Variants in PPP1R9A observed in about 807,000 individuals in gnomAD.
The protein encoded by PPP1R9A is neurabin-1.
A neutral mutation model predicts 141.9 loss-of-function variants in PPP1R9A; 59 were observed. The observed-to-expected ratio is 0.42, with a 90% CI of 0.34 to 0.52. PPP1R9A has a LOEUF of 0.52. Among genes scored for constraint, PPP1R9A ranks in the 20% least tolerant of loss-of-function variants. The probability of loss-of-function intolerance (pLI) is 0.10; values close to 1 mark genes in which losing one functional copy is unlikely to be tolerated. For missense variants in PPP1R9A, 1,444 were observed against 1,611.9 expected, an observed-to-expected ratio of 0.90 and a Z score of 1.78; for synonymous variants, 500 against 569.7, an observed-to-expected ratio of 0.88 and a Z score of 1.74.
At chr7:95,135,854 C>CTTTATTTT (rs1825562115) in intron 4 of PPP1R9A, among the ~76,000 whole-genome samples, 1 of 73,076 alleles carries the variant, frequency 1.4e-5, no homozygotes, top group African/African-American at 5.7e-5. Flanking sequence ...TTCAGCTTTA[C>CTTTATTTT]TTTTTTTTTT....
chr7:95,059,525 T>C (rs1044602308), intron 2 of PPP1R9A, among the ~76,000 whole-genome samples: 1 of 152,218 alleles, frequency 6.6e-6, no homozygotes, highest in Non-Finnish European at 1.5e-5. Context: ...TGCATCTGAC[T>C]GTATGATCAG....
chr7:95,046,237 C>A (rs1028798233), intron 2 of PPP1R9A, among the ~76,000 whole-genome samples: 4 of 152,004 alleles, frequency 2.6e-5, no homozygotes, highest in Admixed American at 2.0e-4. Context: ...TGTGCCACCA[C>A]GCCTGGCTAA....
intron 2 of PPP1R9A, among the ~76,000 whole-genome samples, chr7:95,043,955 G>A (rs1809621048): frequency 6.6e-6 from 1 of 152,136 alleles, no homozygotes; most frequent in Admixed American, 6.6e-5. Context: ...AGGGTTTAAA[G>A]TACATTAATA....
chr7:94,968,102 G>A (rs1798415343), intron 2 of PPP1R9A, among the ~76,000 whole-genome samples: 1 of 152,006 alleles, frequency 6.6e-6, no homozygotes, highest in South Asian at 2.1e-4. Flanking sequence ...TCCTGTAGTG[G>A]GTGCATGTGT....
At chr7:94,950,956 CA>C (rs543780705) in intron 2 of PPP1R9A, among the ~76,000 whole-genome samples, 134 of 152,200 alleles carry the variant, frequency 8.8e-4, no homozygotes, top group African/African-American at 3.2e-3. Context: ...CCATGTTGCC[CA>C]GGCTGGTCTC....
At chr7:95,090,191 A>G (rs561809581) in intron 2 of PPP1R9A, among the ~76,000 whole-genome samples, 16 of 152,080 alleles carry the variant, frequency 1.1e-4, no homozygotes, top group Admixed American at 2.6e-4. Context: ...ATGACAGCTT[A>G]ACTGCAAAGC....
At chr7:94,907,465 G>GC (rs1311906357), upstream of PPP1R9A, 1 of 152,438 alleles carries the variant, frequency 6.6e-6, no homozygotes, top group Admixed American at 6.5e-5. Flanking sequence ...ACTAAGTGGG[G>GC]CCCCAGCAGC....
intron 2 of PPP1R9A, among the ~76,000 whole-genome samples, chr7:94,983,681 G>A (rs956696595): frequency 6.6e-6 from 1 of 152,122 alleles, no homozygotes; most frequent in African/African-American, 2.4e-5. Flanking sequence ...CATTGATTTT[G>A]TATCCTGCGA....
At chr7:94,986,713 A>C (rs991725641) in intron 2 of PPP1R9A, among the ~76,000 whole-genome samples, 6 of 152,252 alleles carry the variant, frequency 3.9e-5, no homozygotes, top group Non-Finnish European at 8.8e-5. Context: ...TTGAAATAGC[A>C]CACTGTATTC....
At chr7:95,022,558 G>A (rs1477131349) in intron 2 of PPP1R9A, among the ~76,000 whole-genome samples, 1 of 152,138 alleles carries the variant, frequency 6.6e-6, no homozygotes, top group Non-Finnish European at 1.5e-5. Context: ...TCTTGTGCTG[G>A]TTTTCAAAGG....
At chr7:95,051,727 G>A (rs1340083051) in intron 2 of PPP1R9A, among the ~76,000 whole-genome samples, 2 of 151,958 alleles carry the variant, frequency 1.3e-5, no homozygotes, top group Non-Finnish European at 2.9e-5. Context: ...GAGGTATTTA[G>A]AAACTCAATT....
chr7:95,202,657 A>G (rs577269279), intron 6 of PPP1R9A: 1 of 847,822 alleles, frequency 1.2e-6, no homozygotes, highest in Non-Finnish European at 1.4e-6. Context: ...TTCAACTAGA[A>G]TTTAACTTTT....
chr7:94,996,802 T>G (rs1425879819), intron 2 of PPP1R9A, among the ~76,000 whole-genome samples: 7 of 54,508 alleles, frequency 1.3e-4, no homozygotes, highest in Admixed American at 1.1e-3. Context: ...ACTCTGTGTT[T>G]TTTTTTTTTT....
chr7:94,987,236 A>C (rs1800966534), intron 2 of PPP1R9A, among the ~76,000 whole-genome samples: 1 of 152,172 alleles, frequency 6.6e-6, no homozygotes, highest in African/African-American at 2.4e-5. Context: ...TGTTTATGTC[A>C]CATAAAGTAA....
At chr7:95,265,814 C>G (rs1319623132) in intron 12 of PPP1R9A, among the ~76,000 whole-genome samples, 1 of 152,146 alleles carries the variant, frequency 6.6e-6, no homozygotes, top group East Asian at 1.9e-4. Flanking sequence ...AAATTGTTAA[C>G]TGCATACAAT....
intron 5 of PPP1R9A, among the ~76,000 whole-genome samples, chr7:95,188,414 G>C (rs1834962703): frequency 6.6e-6 from 1 of 152,052 alleles, no homozygotes; most frequent in Admixed American, 6.6e-5. Flanking sequence ...GCATATACTT[G>C]GTTGGTGGAT....
chr7:95,050,017 C>T (rs115295992), intron 2 of PPP1R9A, among the ~76,000 whole-genome samples: 2 of 152,078 alleles, frequency 1.3e-5, no homozygotes, highest in Non-Finnish European at 2.9e-5. Flanking sequence ...TGGATAAATA[C>T]CAAGGAGTGT....
At chr7:95,160,070 T>C (rs2152705316) in intron 4 of PPP1R9A, among the ~76,000 whole-genome samples, 1 of 151,742 alleles carries the variant, frequency 6.6e-6, no homozygotes, top group Admixed American at 6.6e-5. Context: ...TATTTCATTA[T>C]GAAGAATAAA....
chr7:94,963,811 A>T (rs985028820), intron 2 of PPP1R9A, among the ~76,000 whole-genome samples: 1 of 152,158 alleles, frequency 6.6e-6, no homozygotes, highest in Non-Finnish European at 1.5e-5. Context: ...GTAGAGAATA[A>T]GCAGAAAAAC....
Sources: allele counts gnomAD v4.1 joint callset (sites outside exome capture counted in the v4.1 genomes callset), GRCh38; gene constraint gnomAD v4.1.1; transcripts MANE v1.5; gene names NCBI Gene and HGNC (gene_info 2026-07-23, HGNC 2026-07-21).